CDH18: variants seen among roughly 807,000 people sequenced by gnomAD.
CDH18 encodes cadherin 18.
Under a neutral mutation model 67.9 loss-of-function variants are expected in CDH18, and 31 were observed. The ratio of observed to expected loss-of-function variants is 0.46; its 90% confidence interval spans 0.34 to 0.62. CDH18 has a LOEUF of 0.62. Ranked by LOEUF, CDH18 falls within the 20% of genes least tolerant of loss-of-function variation. The probability of loss-of-function intolerance (pLI) is 0.01; values close to 1 mark genes in which losing one functional copy is unlikely to be tolerated. For missense variants in CDH18, 890 were observed against 975.5 expected (o/e 0.91, Z 1.17); for synonymous variants, 362 against 347.2 (o/e 1.04, Z -0.48).
chr5:19,645,585 T>C (rs958016113), intron 5 of CDH18, among the ~76,000 whole-genome samples: 1 of 151,952 alleles, frequency 6.6e-6, no homozygotes, highest in African/African-American at 2.4e-5. Context: ...TTGTAAAGAG[T>C]AGTGATTTAT....
At chr5:19,580,658 C>A (rs1743094469) in intron 7 of CDH18, among the ~76,000 whole-genome samples, 1 of 151,852 alleles carries the variant, frequency 6.6e-6, no homozygotes, top group African/African-American at 2.4e-5. Context: ...TTAACCTTCA[C>A]AACACCTGTG....
chr5:19,912,820 G>A (rs1014749999), intron 2 of CDH18, among the ~76,000 whole-genome samples: 6 of 152,052 alleles, frequency 3.9e-5, no homozygotes, highest in Non-Finnish European at 8.8e-5. Flanking sequence ...GAGAGAGCAG[G>A]GCTTTCTTAG....
intron 1 of CDH18, among the ~76,000 whole-genome samples, chr5:20,520,333 T>G (rs1224495989): frequency 3.9e-5 from 6 of 152,100 alleles, no homozygotes; most frequent in Non-Finnish European, 8.8e-5. Flanking sequence ...CATCCATGCA[T>G]AATGTGGCAG....
chr5:19,917,111 A>G (rs1579580967), intron 2 of CDH18, among the ~76,000 whole-genome samples: 1 of 152,304 alleles, frequency 6.6e-6, no homozygotes, highest in African/African-American at 2.4e-5. Context: ...GTTTCATGAT[A>G]GCATATTTTT....
chr5:20,196,992 A>G (rs757017347), intron 2 of CDH18, among the ~76,000 whole-genome samples: 41 of 152,044 alleles, frequency 2.7e-4, no homozygotes, highest in Non-Finnish European at 5.2e-4. Context: ...GCATATTATT[A>G]ATTCCTTCCT....
chr5:19,719,903 GAGAAAGAAAGAAAGAAAGAAAGAA>G (rs35867851), intron 5 of CDH18, among the ~76,000 whole-genome samples: 1,653 of 130,952 alleles, frequency 0.013, 18 homozygotes, highest in African/African-American at 0.037. Flanking sequence ...AGTTAAGCAA[GAGAAAGAAAGAAAGAAAGAAAGAA>G]AGAAAGAAAG....
chr5:20,288,706 C>T (rs1580674058), intron 1 of CDH18, among the ~76,000 whole-genome samples: 1 of 151,832 alleles, frequency 6.6e-6, no homozygotes, highest in Non-Finnish European at 1.5e-5. Context: ...ATAGTCAATT[C>T]GCTTTATTCA....
At position 19,867,906 on chromosome 5, in the gene CDH18, G is replaced by A. The variant is rs542929232; in HGVS notation, c.-256-28664C>T. ...TGTGGGAGGTAATTGAATCATGGAG[G>A]TGCTTACCCCCATGCTTCTGTTCTA... On this transcript the variant is annotated intron_variant, in intron 2 of 12. Transcript: ENST00000382275. Among the ~76,000 whole-genome samples, 22 of 152,204 alleles carry A rather than the reference G, an allele frequency of 1.4e-4. No individual in the cohort carries two copies. The South Asian group carries it at 4.6e-3, about 32-fold the overall frequency.
chr5:20,267,605 G>A (rs1187566340), intron 1 of CDH18, among the ~76,000 whole-genome samples: 7 of 152,024 alleles, frequency 4.6e-5, no homozygotes, highest in African/African-American at 1.7e-4. Flanking sequence ...TCCTTGCAGA[G>A]GTCTTTTACT....
chr5:20,246,760 T>A (rs1348425013), intron 2 of CDH18, among the ~76,000 whole-genome samples: 1 of 152,164 alleles, frequency 6.6e-6, no homozygotes, highest in African/African-American at 2.4e-5. Flanking sequence ...AGTTTCCTCA[T>A]CCATAAAACA....
chr5:20,300,240 A>T (rs1352673194), intron 1 of CDH18, among the ~76,000 whole-genome samples: 1 of 152,104 alleles, frequency 6.6e-6, no homozygotes, highest in Non-Finnish European at 1.5e-5. Context: ...AACTGAATAT[A>T]TAACAGGACA....
At chr5:20,140,394 C>T (rs1203205263) in intron 2 of CDH18, among the ~76,000 whole-genome samples, 1 of 151,874 alleles carries the variant, frequency 6.6e-6, no homozygotes, top group Non-Finnish European at 1.5e-5. Context: ...TGCAGCACAC[C>T]AACACAACAC....
At position 20,471,833 on chromosome 5, in the gene CDH18, T is replaced by TTAAAAAAAAAAAAAAAA. The variant is rs757184101; in HGVS notation, c.-580+103628_-580+103629insTTTTTTTTTTTTTTTTA. Reference sequence around the variant, plus strand: ...CTGGGCAACAGATCGAGATTCAGTCTAAAAAAAAAAAAAAAAAAGCAAAAG... The same window carrying TTAAAAAAAAAAAAAAAA: ...CTGGGCAACAGATCGAGATTCAGTCTTAAAAAAAAAAAAAAAAAAAAAAAAAAAAAAAAAAGCAAAAG... On this transcript the variant is annotated intron_variant, in intron 1 of 14. Coordinates refer to the CDH18 transcript ENST00000507958. 2.1e-3 allele frequency among the ~76,000 whole-genome samples: 108 copies of TTAAAAAAAAAAAAAAAA among 51,472 alleles called. 6 individuals are homozygous for TTAAAAAAAAAAAAAAAA. Among genetic ancestry groups the TTAAAAAAAAAAAAAAAA allele is most frequent in the African/African-American group, 6.7e-3 (104 of 15,474 alleles). 33.8% of individuals were successfully genotyped at this position (51,472 alleles called of 152,430 possible). A position where few individuals can be genotyped will look rare whatever the true frequency, so the allele number is the denominator to read the frequency against.
intron 2 of CDH18, among the ~76,000 whole-genome samples, chr5:19,998,140 T>C (rs1352101394): frequency 3.9e-5 from 6 of 152,168 alleles, no homozygotes; most frequent in African/African-American, 1.4e-4. Flanking sequence ...CAACTAGGTC[T>C]CTGCCCCGCT....
At chr5:19,724,417 T>A (rs1017785876) in intron 4 of CDH18, among the ~76,000 whole-genome samples, 5 of 152,096 alleles carry the variant, frequency 3.3e-5, no homozygotes, top group African/African-American at 1.2e-4. Flanking sequence ...CCTTATATAT[T>A]GGAGCTGTTC....
intron 1 of CDH18, chr5:20,305,695 G>C (rs1198355447): frequency 2.3e-6 from 1 of 428,344 alleles, no homozygotes; most frequent in Non-Finnish European, 4.3e-6. Flanking sequence ...GTTCGGCAGC[G>C]AGGCGGCGAG....
At chr5:20,112,480 G>C (rs1747560872) in intron 2 of CDH18, among the ~76,000 whole-genome samples, 1 of 152,152 alleles carries the variant, frequency 6.6e-6, no homozygotes, top group African/African-American at 2.4e-5. Flanking sequence ...CTAAAAAGTG[G>C]TTAGCATAAA....
At position 19,491,451 on chromosome 5, in the gene CDH18, C is replaced by T. The variant is rs183403749; in HGVS notation, c.1631-7899G>A. On this transcript the variant is annotated intron_variant, in intron 11 of 12. Transcript: ENST00000382275. ...TTGTTTGAAGGACAAAAATAAACTA[C>T]GGGAATGTTGACTGCTACAAATCTG... Among the ~76,000 whole-genome samples the T allele has an allele frequency of 2.1e-4, 32 of 152,256 alleles. 1 individual carries two copies. Among genetic ancestry groups the T allele is most frequent in the East Asian group, 1.7e-3 (9 of 5,174 alleles).
At chr5:20,325,654 T>C (rs532161120) in intron 1 of CDH18, among the ~76,000 whole-genome samples, 82 of 152,120 alleles carry the variant, frequency 5.4e-4, no homozygotes, top group African/African-American at 1.9e-3. Flanking sequence ...CTTTTCTGTC[T>C]TTAGAAAAAA....
Sources: gnomAD v4.1 joint callset for allele counts (sites outside exome capture counted in the v4.1 genomes callset) on GRCh38, gnomAD v4.1.1 for gene constraint, MANE v1.5 for transcripts, NCBI Gene and HGNC (gene_info 2026-07-23, HGNC 2026-07-21) for gene names.